The following IGFL2 variants were observed in gnomAD, a reference collection of about 807,000 sequenced individuals.
IGFL2 encodes insulin growth factor-like family member 2.
IGFL2 carries 7 observed loss-of-function variants against 13.9 expected under a neutral mutation model. The ratio of observed to expected loss-of-function variants is 0.51; its 90% CI spans 0.29 to 0.95. The LOEUF is 0.95. Ranked by LOEUF, IGFL2 falls within the 40% of genes least tolerant of loss-of-function variation. IGFL2 has a pLI of 0.08. For synonymous variants in IGFL2, 55 were observed against 55.8 expected (o/e 0.99, Z 0.07); for missense variants, 138 against 147.8 (o/e 0.93, Z 0.34).
chr19:46,131,894 A>G, the IGFL2 span, among the ~76,000 whole-genome samples: 1 of 152,152 alleles, frequency 6.6e-6, no homozygotes, highest in Non-Finnish European at 1.5e-5. Context: ...AGCCAATATT[A>G]TGCTACTGCA....
the IGFL2 span, among the ~76,000 whole-genome samples, chr19:46,194,702 A>G: frequency 6.6e-6 from 1 of 151,622 alleles, no homozygotes; most frequent in African/African-American, 2.4e-5. Context: ...GGCACCTGCA[A>G]TCCCAGCTAC....
the IGFL2 span, chr19:46,111,166 G>A: frequency 1.3e-5 from 2 of 152,668 alleles, no homozygotes; most frequent in South Asian, 4.1e-4. Context: ...TCTTAGATCA[G>A]ACATATGTTG....
upstream of IGFL2, among the ~76,000 whole-genome samples, chr19:46,145,606 G>A (rs987700046): frequency 1.8e-5 from 1 of 54,202 alleles, no homozygotes; most frequent in African/African-American, 3.8e-5. Flanking sequence ...ATATATGTGT[G>A]TGTGTGTGTG....
chr19:46,124,039 G>A, the IGFL2 span: 1 of 1,611,396 alleles, frequency 6.2e-7, no homozygotes, highest in Non-Finnish European at 8.5e-7. Flanking sequence ...ACAGCGGCGG[G>A]TCTCCTTTAA....
chr19:46,171,001 C>T, the IGFL2 span, among the ~76,000 whole-genome samples: 1 of 152,004 alleles, frequency 6.6e-6, no homozygotes, highest in East Asian at 1.9e-4. Context: ...TGACCCACAC[C>T]CTATTCGTAC....
At chr19:46,194,270 G>A in the IGFL2 span, among the ~76,000 whole-genome samples, 1 of 152,072 alleles carries the variant, frequency 6.6e-6, no homozygotes, top group Non-Finnish European at 1.5e-5. Context: ...TACCCAGTGA[G>A]GCGTTGACTC....
chr19:46,204,513 A>G, the IGFL2 span, among the ~76,000 whole-genome samples: 1 of 152,208 alleles, frequency 6.6e-6, no homozygotes, highest in Admixed American at 6.5e-5. Flanking sequence ...GGAAAGAGAC[A>G]GGGTTCCCAA....
At chr19:46,083,110 T>C in the IGFL2 span, among the ~76,000 whole-genome samples, 3 of 152,234 alleles carry the variant, frequency 2.0e-5, no homozygotes, top group Non-Finnish European at 1.5e-5. Context: ...GTTTATTGTT[T>C]TAGTTTTCAA....
At chr19:46,085,920 G>A in the IGFL2 span, among the ~76,000 whole-genome samples, 1 of 152,110 alleles carries the variant, frequency 6.6e-6, no homozygotes, top group Admixed American at 6.5e-5. Context: ...AGGAACATTG[G>A]TTGCCTTCTG....
the IGFL2 span, among the ~76,000 whole-genome samples, chr19:46,079,603 G>C: frequency 7.9e-5 from 12 of 152,292 alleles, 1 homozygote; most frequent in South Asian, 2.3e-3. Context: ...GGAAACGCCT[G>C]TACGTCGCCT....
At chr19:46,094,907 G>T in the IGFL2 span, among the ~76,000 whole-genome samples, 5 of 152,130 alleles carry the variant, frequency 3.3e-5, no homozygotes, top group East Asian at 7.7e-4. Context: ...TATGTGCCAT[G>T]TTTTCTTTGT....
At chr19:46,124,577 G>A in the IGFL2 span, 1 of 1,545,764 alleles carries the variant, frequency 6.5e-7, no homozygotes, top group Non-Finnish European at 8.9e-7. Context: ...TTTGGGAGCT[G>A]CACTGGGAAT....
At chr19:46,148,150 C>T, upstream of IGFL2, 1 of 725,440 alleles carries the variant, frequency 1.4e-6, no homozygotes. Flanking sequence ...CATGCCCCAC[C>T]CTTTCCAAGA....
chr19:46,131,917 G>A, the IGFL2 span, among the ~76,000 whole-genome samples: 1 of 152,120 alleles, frequency 6.6e-6, no homozygotes, highest in Non-Finnish European at 1.5e-5. Context: ...CCAGCCTGGG[G>A]AGCAGAGCGA....
At chr19:46,081,620 T>C in the IGFL2 span, among the ~76,000 whole-genome samples, 1,486 of 152,316 alleles carry the variant, frequency 9.8e-3, 24 homozygotes, top group African/African-American at 0.034. Flanking sequence ...TCTGTGTATA[T>C]GCAGCCTAGC....
At chr19:46,124,705 T>C in the IGFL2 span, 1,349 of 1,477,412 alleles carry the variant, frequency 9.1e-4, 58 homozygotes, top group South Asian at 0.014. Context: ...CTGGAACTTA[T>C]GGAGACAGCC....
chr19:46,116,777 A>G, the IGFL2 span, among the ~76,000 whole-genome samples: 1 of 152,136 alleles, frequency 6.6e-6, no homozygotes, highest in South Asian at 2.1e-4. Context: ...AGTCATACCA[A>G]CCTACAGTGG....
the IGFL2 span, among the ~76,000 whole-genome samples, chr19:46,193,153 C>T: frequency 6.6e-6 from 1 of 152,146 alleles, no homozygotes; most frequent in Admixed American, 6.5e-5. Context: ...GATCGTGTCA[C>T]TGCACTCCAG....
At chr19:46,183,302 T>G in the IGFL2 span, among the ~76,000 whole-genome samples, 2 of 152,116 alleles carry the variant, frequency 1.3e-5, no homozygotes, top group African/African-American at 4.8e-5. Flanking sequence ...ACATGTAGGA[T>G]TACAATTCGA....
Sources: allele counts gnomAD v4.1 joint callset (sites outside exome capture counted in the v4.1 genomes callset), GRCh38; gene constraint gnomAD v4.1.1; transcripts MANE v1.5; gene names NCBI Gene and HGNC (gene_info 2026-07-23, HGNC 2026-07-21).